The following CHN2 variants were observed in gnomAD, a reference collection of about 807,000 sequenced individuals.
CHN2 encodes chimerin 2.
Under a neutral mutation model 56.3 loss-of-function variants are expected in CHN2, and 35 were observed. That is an observed-to-expected ratio of 0.62 (90% CI 0.47 to 0.82). CHN2 has a LOEUF of 0.82. Among genes scored for constraint, CHN2 ranks in the 40% least tolerant of loss-of-function variants. CHN2 has a pLI of 0.00. For synonymous variants in CHN2, 210 were observed against 212.8 expected, an observed-to-expected ratio of 0.99 and a Z score of 0.12; for missense variants, 491 against 580.5, an observed-to-expected ratio of 0.85 and a Z score of 1.58.
intron 2 of CHN2, among the ~76,000 whole-genome samples, chr7:29,164,891 T>C (rs969201797): frequency 6.6e-5 from 10 of 152,150 alleles, no homozygotes; most frequent in Non-Finnish European, 1.5e-4. Flanking sequence ...TCTAGAGTGT[T>C]CCATTGATCT....
At chr7:29,285,844 T>C (rs1223820569) in intron 1 of CHN2, among the ~76,000 whole-genome samples, 4 of 152,216 alleles carry the variant, frequency 2.6e-5, no homozygotes, top group African/African-American at 4.8e-5. Context: ...ATCGGAGTTA[T>C]TGACAGAATT....
intron 1 of CHN2, among the ~76,000 whole-genome samples, chr7:29,228,548 A>G (rs1175731598): frequency 6.6e-6 from 1 of 152,230 alleles, no homozygotes; most frequent in Non-Finnish European, 1.5e-5. Flanking sequence ...CTGTATACAT[A>G]TACACATATT....
At chr7:29,394,391 C>A (rs1206420928) in intron 4 of CHN2, among the ~76,000 whole-genome samples, 1 of 152,198 alleles carries the variant, frequency 6.6e-6, no homozygotes, top group East Asian at 1.9e-4. Flanking sequence ...AATCACTTTT[C>A]TTCCCAAGTC....
At chr7:29,329,650 G>A (rs1796071642) in intron 1 of CHN2, among the ~76,000 whole-genome samples, 1 of 152,130 alleles carries the variant, frequency 6.6e-6, no homozygotes. Flanking sequence ...TGCCAGTTCA[G>A]TAATAATTAA....
intron 11 of CHN2, among the ~76,000 whole-genome samples, chr7:29,508,288 A>C (rs1420142): frequency 0.2 from 30,859 of 151,448 alleles, 3,242 homozygotes; most frequent in East Asian, 0.28. Flanking sequence ...GGTCTGGGGG[A>C]AGGGGCTACA....
intron 1 of CHN2, among the ~76,000 whole-genome samples, chr7:29,265,396 C>G (rs998837662): frequency 2.0e-5 from 3 of 152,188 alleles, no homozygotes; most frequent in African/African-American, 7.2e-5. Flanking sequence ...CTGGCCAAAC[C>G]CACTCTCTTG....
chr7:29,306,088 A>C (rs753406301), intron 1 of CHN2, among the ~76,000 whole-genome samples: 1 of 152,128 alleles, frequency 6.6e-6, no homozygotes, highest in Non-Finnish European at 1.5e-5. Flanking sequence ...TCCCAATACC[A>C]TAATTTTACT....
chr7:29,252,580 T>TG (rs1788675512), intron 1 of CHN2, among the ~76,000 whole-genome samples: 1 of 15,938 alleles, frequency 6.3e-5, no homozygotes, highest in African/African-American at 9.5e-4. Context: ...CATTCTTTGT[T>TG]TTTTTTTTTT....
chr7:29,390,014 A>C (rs1455763487), intron 3 of CHN2, among the ~76,000 whole-genome samples: 2 of 146,106 alleles, frequency 1.4e-5, no homozygotes, highest in East Asian at 4.1e-4. Context: ...AGATTGCCCC[A>C]CTGCACTCCA....
chr7:29,174,662 A>G (rs1188634038), intron 2 of CHN2, among the ~76,000 whole-genome samples: 1 of 152,142 alleles, frequency 6.6e-6, no homozygotes, highest in Non-Finnish European at 1.5e-5. Flanking sequence ...GGAGTTCGAG[A>G]TCAGCCTGGC....
intron 7 of CHN2, among the ~76,000 whole-genome samples, chr7:29,494,950 TAAAAAAAAAAA>T (rs5883217): frequency 2.5e-4 from 16 of 64,658 alleles, no homozygotes; most frequent in South Asian, 9.5e-4. Flanking sequence ...AAGCAGTTTG[TAAAAAAAAAAA>T]AAAAAAAAAA....
At chr7:29,404,084 A>G (rs2285850) in intron 6 of CHN2, among the ~76,000 whole-genome samples, 14,846 of 152,220 alleles carry the variant, frequency 0.098, 802 homozygotes, top group East Asian at 0.17. Flanking sequence ...TCCACGCTCA[A>G]AGCTTCTTAA....
At chr7:29,507,870 G>A (rs1402168883) in intron 11 of CHN2, among the ~76,000 whole-genome samples, 1 of 151,880 alleles carries the variant, frequency 6.6e-6, no homozygotes, top group Non-Finnish European at 1.5e-5. Context: ...ATTTGTGCTG[G>A]GCCATGTTCA....
intron 2 of CHN2, among the ~76,000 whole-genome samples, chr7:29,187,345 C>CTGTGTG (rs35253523): frequency 6.7e-6 from 1 of 149,242 alleles, no homozygotes. Flanking sequence ...GTTTGTGTGT[C>CTGTGTG]TGTGTGTGTG....
chr7:29,509,352 T>A lies in CHN2; in HGVS notation c.1181T>A (p.Leu394Gln), dbSNP rs752530656. Residue 394 changes from leucine to glutamine, a missense_variant, in exon 12 of 13, where the codon CTG (leucine) becomes CAG (glutamine). Physicochemically the swap from Leu to Gln is moderately radical, Grantham distance 113. Coordinates refer to ENST00000222792, the MANE Select transcript of CHN2 (RefSeq NM_004067.4). Reference sequence around the variant, plus strand: ...GAAGCCGTCCATGAAGTGCTGATGCTGCTGCCTCCTGCCCACTATGAAACC... The same window carrying A: ...GAAGCCGTCCATGAAGTGCTGATGCAGCTGCCTCCTGCCCACTATGAAACC... ...RLEAVHEVLMLLPPAHYETLR... is the reference protein window; with the variant it reads ...RLEAVHEVLMQLPPAHYETLR... The A allele has an allele frequency of 8.7e-6, 14 of 1,614,108 alleles. No homozygotes were observed. Among genetic ancestry groups the A allele is most frequent in the Non-Finnish European group, 2.5e-6 (3 of 1,179,974 alleles).
chr7:29,451,370 G>T (rs1050410870), intron 6 of CHN2, among the ~76,000 whole-genome samples: 1 of 152,080 alleles, frequency 6.6e-6, no homozygotes, highest in African/African-American at 2.4e-5. Flanking sequence ...GTGATTAAGC[G>T]TGGTGCACAG....
chr7:29,292,173 C>A (rs1162596712), intron 1 of CHN2, among the ~76,000 whole-genome samples: 1 of 152,194 alleles, frequency 6.6e-6, no homozygotes, highest in East Asian at 1.9e-4. Flanking sequence ...GAGAGACGGG[C>A]CAGCACCCTT....
intron 3 of CHN2, among the ~76,000 whole-genome samples, chr7:29,386,828 T>C (rs1800950727): frequency 6.6e-6 from 1 of 152,222 alleles, no homozygotes; most frequent in South Asian, 2.1e-4. Context: ...GAAGTTCACA[T>C]TTGCCAATTC....
At chr7:29,189,874 C>G (rs1782670940), upstream of CHN2, among the ~76,000 whole-genome samples, 2 of 152,212 alleles carry the variant, frequency 1.3e-5, no homozygotes, top group Non-Finnish European at 2.9e-5. Flanking sequence ...AATACCTGTG[C>G]CTGCGTCGTG....
Sources: gnomAD v4.1 joint callset for allele counts (sites outside exome capture counted in the v4.1 genomes callset) on GRCh38, gnomAD v4.1.1 for gene constraint, MANE v1.5 for transcripts, NCBI Gene and HGNC (gene_info 2026-07-23, HGNC 2026-07-21) for gene names.